Variants in SNX29 observed in about 807,000 individuals in gnomAD.
The protein encoded by SNX29 is sorting nexin 29, also known as sorting nexin-29.
SNX29 carries 78 observed loss-of-function variants against 102.1 expected under a neutral mutation model. The ratio of observed to expected loss-of-function variants is 0.76; its 90% CI spans 0.64 to 0.92. The LOEUF is 0.92. Ranked by LOEUF, SNX29 falls within the 40% of genes least tolerant of loss-of-function variation. SNX29 has a pLI of 0.00. For missense variants in SNX29, 1,280 were observed against 1,061.7 expected, an observed-to-expected ratio of 1.21 and a Z score of -2.86; for synonymous variants, 580 against 414.5, an observed-to-expected ratio of 1.40 and a Z score of -4.85.
intron 15 of SNX29, among the ~76,000 whole-genome samples, chr16:12,326,808 T>C (rs1433681856): frequency 6.6e-6 from 1 of 152,100 alleles, no homozygotes; most frequent in Non-Finnish European, 1.5e-5. Context: ...GCTGGGGCAG[T>C]GTGGTAGGGC....
chr16:12,023,183 T>C (rs916565182), intron 3 of SNX29, among the ~76,000 whole-genome samples: 6 of 152,038 alleles, frequency 3.9e-5, no homozygotes, highest in African/African-American at 1.4e-4. Flanking sequence ...AGGTGTGAGC[T>C]ACTGCACCCC....
intron 18 of SNX29, among the ~76,000 whole-genome samples, chr16:12,432,635 C>T (rs1391198392): frequency 6.6e-6 from 1 of 152,228 alleles, no homozygotes; most frequent in Non-Finnish European, 1.5e-5. Context: ...TCCTGTAGGC[C>T]CAGGGGCAGA....
intron 20 of SNX29, among the ~76,000 whole-genome samples, chr16:12,541,365 C>T (rs756683589): frequency 6.6e-6 from 1 of 152,102 alleles, no homozygotes; most frequent in African/African-American, 2.4e-5. Context: ...ACAGAATTCC[C>T]TATGAGGGCA....
chr16:12,485,734 A>G (rs1316842293), intron 19 of SNX29, among the ~76,000 whole-genome samples: 1 of 152,188 alleles, frequency 6.6e-6, no homozygotes, highest in Admixed American at 6.5e-5. Context: ...TCTGTCCTTA[A>G]GAAGCTGGCA....
chr16:12,015,191 A>G (rs1037352750), intron 3 of SNX29, among the ~76,000 whole-genome samples: 1 of 151,908 alleles, frequency 6.6e-6, no homozygotes, highest in Non-Finnish European at 1.5e-5. Flanking sequence ...GTGCATTTTT[A>G]TTTTTTATCT....
chr16:12,187,672 C>T (rs922616932), intron 13 of SNX29, among the ~76,000 whole-genome samples: 3 of 143,660 alleles, frequency 2.1e-5, no homozygotes, highest in African/African-American at 5.4e-5. Flanking sequence ...GCCTGTTCTC[C>T]CCCCAACCCC....
intron 1 of SNX29, among the ~76,000 whole-genome samples, chr16:11,983,477 A>AAATGAATG (rs935250367): frequency 2.6e-5 from 4 of 152,160 alleles, no homozygotes; most frequent in African/African-American, 9.7e-5. Flanking sequence ...TAATCAGCTG[A>AAATGAATG]AATGAATGAA....
At chr16:12,217,299 C>T (rs12921864) in intron 14 of SNX29, among the ~76,000 whole-genome samples, 4,840 of 152,292 alleles carry the variant, frequency 0.032, 207 homozygotes, top group South Asian at 0.23. Context: ...GGATTATAGG[C>T]GTGAGCCACC....
intron 5 of SNX29, among the ~76,000 whole-genome samples, chr16:12,045,297 C>A (rs1357058317): frequency 6.6e-6 from 1 of 152,194 alleles, no homozygotes; most frequent in East Asian, 1.9e-4. Flanking sequence ...GTATCCCTGA[C>A]TTTGCTTTAG....
At chr16:12,561,702 C>G (rs796189768) in intron 20 of SNX29, among the ~76,000 whole-genome samples, 65 of 152,324 alleles carry the variant, frequency 4.3e-4, no homozygotes, top group African/African-American at 1.5e-3. Context: ...TCCCCAACTC[C>G]CCAGTGCTGT....
chr16:12,501,323 G>C (rs570232436), intron 19 of SNX29, among the ~76,000 whole-genome samples: 40 of 152,292 alleles, frequency 2.6e-4, no homozygotes, highest in African/African-American at 9.6e-4. Flanking sequence ...AGGATTGCTT[G>C]AGATTAGGAG....
At chr16:12,305,879 C>G (rs560559527) in intron 15 of SNX29, among the ~76,000 whole-genome samples, 4 of 152,232 alleles carry the variant, frequency 2.6e-5, no homozygotes, top group East Asian at 1.9e-4. Context: ...GTAACCTGTT[C>G]GGATTTAAAA....
chr16:12,446,386 T>G (rs961225903), intron 18 of SNX29, among the ~76,000 whole-genome samples: 2 of 152,188 alleles, frequency 1.3e-5, no homozygotes, highest in African/African-American at 4.8e-5. Context: ...GAAACTCCTT[T>G]CAGAGTCTCT....
At chr16:12,307,699 C>T (rs1044914221) in intron 15 of SNX29, among the ~76,000 whole-genome samples, 1 of 152,202 alleles carries the variant, frequency 6.6e-6, no homozygotes, top group African/African-American at 2.4e-5. Flanking sequence ...GAGAATCTGT[C>T]TTGAGGGCCT....
intron 20 of SNX29, among the ~76,000 whole-genome samples, chr16:12,532,395 C>A (rs1169484836): frequency 6.6e-6 from 1 of 152,192 alleles, no homozygotes; most frequent in Non-Finnish European, 1.5e-5. Flanking sequence ...TTGTGTTTCC[C>A]AGCGTTTGTA....
chr16:12,429,403 G>C (rs988487553), intron 18 of SNX29, among the ~76,000 whole-genome samples: 5 of 152,150 alleles, frequency 3.3e-5, no homozygotes, highest in African/African-American at 1.2e-4. Flanking sequence ...CGTGTCACAT[G>C]TAAACGTCTG....
At chr16:12,239,152 C>A (rs554575843) in intron 14 of SNX29, among the ~76,000 whole-genome samples, 1 of 152,270 alleles carries the variant, frequency 6.6e-6, no homozygotes, top group Admixed American at 6.5e-5. Context: ...AATAGGGCTT[C>A]TGTGATGAAG....
At chr16:12,268,908 C>A (rs1445241384) in intron 14 of SNX29, among the ~76,000 whole-genome samples, 2 of 152,152 alleles carry the variant, frequency 1.3e-5, no homozygotes, top group African/African-American at 2.4e-5. Context: ...AGCACAGTTT[C>A]TACCTATTTT....
intron 5 of SNX29, among the ~76,000 whole-genome samples, chr16:12,044,078 A>C (rs1245367072): frequency 6.6e-6 from 1 of 152,190 alleles, no homozygotes; most frequent in Admixed American, 6.5e-5. Flanking sequence ...TGCTCTGAGA[A>C]TGGTGGACTA....
Sources: gnomAD v4.1 joint callset for allele counts (sites outside exome capture counted in the v4.1 genomes callset) on GRCh38, gnomAD v4.1.1 for gene constraint, MANE v1.5 for transcripts, NCBI Gene and HGNC (gene_info 2026-07-23, HGNC 2026-07-21) for gene names.